RTKN2: variants seen among roughly 807,000 people sequenced by gnomAD.
The protein encoded by RTKN2 is rhotekin-2.
In RTKN2, 69 loss-of-function variants were observed where a neutral mutation model predicts 71.5. The observed-to-expected ratio is 0.96, with a 90% CI of 0.79 to 1.18. The LOEUF (loss-of-function observed/expected upper bound fraction) is 1.18. Ranked by LOEUF, RTKN2 falls within the 50% of genes most tolerant of loss-of-function variation. RTKN2 has a pLI of 0.00. For synonymous variants in RTKN2, 236 were observed against 236.5 expected, an observed-to-expected ratio of 1.00 and a Z score of 0.02; for missense variants, 724 against 719.7, an observed-to-expected ratio of 1.01 and a Z score of -0.07.
rs149410563 is a variant in RTKN2, at chr10:62,262,823, T to G, written c.61-2A>C. ...TATTTTTTCTTGAATGTTGCAGTCC[T>G]AAAAAAAAAATGCATCTTGAAAATA... On this transcript the variant is annotated splice_acceptor_variant, in intron 1 of 11. Coordinates refer to ENST00000373789, the MANE Select transcript of RTKN2 (RefSeq NM_145307.4). LOFTEE classifies it high-confidence loss of function. 5 of 1,386,534 alleles carry G rather than the reference T, an allele frequency of 3.6e-6. No homozygotes were observed. In the African/African-American group the frequency reaches 7.4e-5, roughly 21 times the overall value. The allele number at this position is 1,386,534 out of a possible 1,614,324, so 85.9% of individuals were successfully genotyped here.
At chr10:62,224,598 T>G (rs987683799) in intron 6 of RTKN2, among the ~76,000 whole-genome samples, 5 of 151,196 alleles carry the variant, frequency 3.3e-5, no homozygotes, top group African/African-American at 1.2e-4. Context: ...AAAAAAAAAG[T>G]AGGCAGAGGA....
chr10:62,186,598 T>C (rs1432937542), intron 8 of RTKN2, among the ~76,000 whole-genome samples: 1 of 152,206 alleles, frequency 6.6e-6, no homozygotes, highest in Non-Finnish European at 1.5e-5. Flanking sequence ...CAAGTGCTCC[T>C]CAACCCCTTC....
rs186365550 is a variant in RTKN2, at chr10:62,215,118, A to G, written c.1020+2000T>C. 9 of 1,343,538 alleles carry G rather than the reference A, an allele frequency of 6.7e-6. No homozygotes were observed. The Admixed American group carries it at 1.1e-4, about 17-fold the overall frequency. The allele number at this position is 1,343,538 out of a possible 1,614,324, so 83.2% of individuals were successfully genotyped here. On this transcript the variant is annotated intron_variant, in intron 9 of 11. Coordinates refer to ENST00000373789, the MANE Select transcript of RTKN2 (RefSeq NM_145307.4). ...TTCAAAAATATCATTTGTTTAGATTACATTTTATTTTATGACTGAATATTC... is the reference window on the plus strand; with the variant it reads ...TTCAAAAATATCATTTGTTTAGATTGCATTTTATTTTATGACTGAATATTC...
In RTKN2 at chr10:62,197,629, T is replaced by TA. The variant is rs539880521; in HGVS notation, c.*278_*279insT. On this transcript the variant is annotated 3_prime_UTR_variant, in exon 12 of 12. Transcript: ENST00000373789. The stretch of plus-strand genomic sequence containing the variant: ...TTCTGCCTAGGGCTTATTCACTGCC[T>TA]GGTACTAATTCAGGAATAAATTAAC... 3,393 of 1,207,116 alleles carry TA rather than the reference T, an allele frequency of 2.8e-3. 3 individuals are homozygous for TA. The highest frequency in any genetic ancestry group is 3.3e-3 in the South Asian group (132 of 40,440). The allele number at this position is 1,207,116 out of a possible 1,614,324, so 74.8% of individuals were successfully genotyped here.
intron 8 of RTKN2, among the ~76,000 whole-genome samples, chr10:62,184,848 AAAAAC>A (rs1367678191): frequency 6.6e-6 from 1 of 152,262 alleles, no homozygotes; most frequent in African/African-American, 2.4e-5. Flanking sequence ...AAGTAAAGAA[AAAAAC>A]AGGCCTTGTT....
At chr10:62,189,481 C>G (rs556762680), downstream of RTKN2, among the ~76,000 whole-genome samples, 1 of 152,308 alleles carries the variant, frequency 6.6e-6, no homozygotes, top group South Asian at 2.1e-4. Context: ...GTTTTCCTGT[C>G]AACCTTTCCT....
chr10:62,192,090 G>T (rs960688228), downstream of RTKN2, among the ~76,000 whole-genome samples: 77 of 149,604 alleles, frequency 5.1e-4, no homozygotes, highest in Middle Eastern at 3.4e-3. Context: ...CCCAAATGAG[G>T]TTAAAAAAAA....
intron 6 of RTKN2, among the ~76,000 whole-genome samples, chr10:62,232,230 A>G (rs796867069): frequency 2.0e-5 from 3 of 152,306 alleles, no homozygotes; most frequent in African/African-American, 7.2e-5. Flanking sequence ...TGTCTATTAA[A>G]AAGAACTTAA....
At chr10:62,215,588 T>C (rs1315977669) in intron 9 of RTKN2, among the ~76,000 whole-genome samples, 1 of 152,014 alleles carries the variant, frequency 6.6e-6, no homozygotes, top group Non-Finnish European at 1.5e-5. Context: ...TATGAAAAAG[T>C]GTCCTTGGTT....
At chr10:62,227,761 T>A (rs552156400) in intron 6 of RTKN2, among the ~76,000 whole-genome samples, 1 of 152,160 alleles carries the variant, frequency 6.6e-6, no homozygotes, top group Non-Finnish European at 1.5e-5. Context: ...ACTAAAAGGC[T>A]ACTGCAACTG....
chr10:62,219,591 C>T (rs561703540), intron 7 of RTKN2, among the ~76,000 whole-genome samples: 24 of 151,892 alleles, frequency 1.6e-4, no homozygotes, highest in Non-Finnish European at 3.4e-4. Context: ...TGTATTAATA[C>T]ATTTTGGGGT....
rs1444290823 is a variant in RTKN2, at chr10:62,194,377, G to T, written c.*3531C>A. 1.0e-6 allele frequency: 1 copy of T among 984,122 alleles called. No homozygotes were observed. The highest frequency in any genetic ancestry group is 1.1e-4 in the East Asian group (1 of 8,820). 61.0% of individuals were successfully genotyped at this position (984,122 alleles called of 1,614,324 possible). A position where few individuals can be genotyped will look rare whatever the true frequency, so the allele number is the denominator to read the frequency against. On this transcript the variant is annotated 3_prime_UTR_variant, in exon 12 of 12. Transcript: ENST00000373789. Reference sequence around the variant, plus strand: ...TTAAAAATAGTGATGCCTTTGAAATGTAAGGGGAAAATGTCAACTTTACAT... The same window carrying T: ...TTAAAAATAGTGATGCCTTTGAAATTTAAGGGGAAAATGTCAACTTTACAT...
At chr10:62,256,556 T>A (rs573220524) in intron 2 of RTKN2, among the ~76,000 whole-genome samples, 11 of 152,318 alleles carry the variant, frequency 7.2e-5, no homozygotes, top group African/African-American at 2.2e-4. Context: ...TGTAGAAGAA[T>A]GTTATTTTTA....
At chr10:62,252,447 A>C (rs1370418050) in intron 2 of RTKN2, among the ~76,000 whole-genome samples, 1 of 152,120 alleles carries the variant, frequency 6.6e-6, no homozygotes, top group Non-Finnish European at 1.5e-5. Flanking sequence ...TAGCTGATGA[A>C]CTTCTTCCAA....
At position 62,236,077 on chromosome 10, in the gene RTKN2, G is replaced by A. The variant is rs1210990580; in HGVS notation, c.675C>T (p.Ser225=). ...TATTAAAAACTTACAAAACAGCAGAGCTGAGGAGCAAGCACATTTCATCAT... is the reference window on the plus strand; with the variant it reads ...TATTAAAAACTTACAAAACAGCAGAACTGAGGAGCAAGCACATTTCATCAT... ...EEDDEMCLLL[S]SAVFGVKYNL... Residue 225 remains serine (S), a synonymous_variant, in exon 6 of 12, where the codon AGC becomes AGT. Transcript: ENST00000373789. 1 of 1,610,006 alleles carries A rather than the reference G, an allele frequency of 6.2e-7. No homozygotes were observed. The highest frequency in any genetic ancestry group is 1.7e-5 in the Admixed American group (1 of 59,878).
In RTKN2 at chr10:62,251,145, C is replaced by G. The variant is rs188601700; in HGVS notation, c.258-5088G>C. Among the ~76,000 whole-genome samples, 8 of 152,260 alleles carry G rather than the reference C, an allele frequency of 5.3e-5. No homozygotes were observed. The East Asian group carries it at 1.3e-3, about 26-fold the overall frequency. On this transcript the variant is annotated intron_variant, in intron 2 of 11. Coordinates refer to ENST00000373789, the MANE Select transcript of RTKN2 (RefSeq NM_145307.4). ...GGTCCACAGTAGCCTAATGCTATACCACAATGCCTATGACATTCATCTCAT... is the reference window on the plus strand; with the variant it reads ...GGTCCACAGTAGCCTAATGCTATACGACAATGCCTATGACATTCATCTCAT...
In RTKN2 at chr10:62,217,252, GAAAA is replaced by G. The variant is rs5785514; in HGVS notation, c.889-7_889-4del. 53,417 of 1,185,236 alleles carry G rather than the reference GAAAA, an allele frequency of 0.045. 4 individuals carry two copies. The highest frequency in any genetic ancestry group is 0.049 in the East Asian group (1,494 of 30,320). The allele number at this position is 1,185,236 out of a possible 1,614,324, so 73.4% of individuals were successfully genotyped here. ...CTAATCAGACCTTCTACCATTTGCT[GAAAA>G]AAAAAAAAAAAAAATCAAGAGACTA... On this transcript the variant is annotated splice_region_variant and splice_polypyrimidine_tract_variant and intron_variant, in intron 8 of 11. Coordinates refer to ENST00000373789, the MANE Select transcript of RTKN2 (RefSeq NM_145307.4).
At chr10:62,236,795 A>G (rs79464868) in intron 5 of RTKN2, among the ~76,000 whole-genome samples, 7,352 of 152,112 alleles carry the variant, frequency 0.048, 585 homozygotes, top group African/African-American at 0.17. Context: ...TGCCTTAAAA[A>G]AGGAGATCTT....
In RTKN2 at chr10:62,194,010, G is replaced by A; in HGVS notation, c.*3898C>T. ...AGTTAGAAAACGTCTTCATGAATCA[G>A]TTCTTTTAATGTACAGAAGTTTCAA... On this transcript the variant is annotated 3_prime_UTR_variant, in exon 12 of 12. Transcript: ENST00000373789. 1 of 984,864 alleles carries A rather than the reference G, an allele frequency of 1.0e-6. No homozygotes were observed. Among genetic ancestry groups the A allele is most frequent in the Non-Finnish European group, 1.2e-6 (1 of 829,496 alleles). 61.0% of individuals were successfully genotyped at this position (984,864 alleles called of 1,614,324 possible).
Sources: allele counts gnomAD v4.1 joint callset (sites outside exome capture counted in the v4.1 genomes callset), GRCh38; gene constraint gnomAD v4.1.1; transcripts MANE v1.5; gene names NCBI Gene and HGNC (gene_info 2026-07-23, HGNC 2026-07-21).